The following SLC8A1 variants were observed in gnomAD, a reference collection of about 807,000 sequenced individuals.
The protein encoded by SLC8A1 is solute carrier family 8 member A1.
SLC8A1 carries 18 observed loss-of-function variants against 68.3 expected under a neutral mutation model. The observed-to-expected ratio is 0.26, with a 90% CI of 0.18 to 0.39. The LOEUF (loss-of-function observed/expected upper bound fraction) is 0.39. Among genes scored for constraint, SLC8A1 ranks in the 10% least tolerant of loss-of-function variants. The probability of loss-of-function intolerance (pLI) is 1.00; values close to 1 mark genes in which losing one functional copy is unlikely to be tolerated. For synonymous variants in SLC8A1, 475 were observed against 415.5 expected, an observed-to-expected ratio of 1.14 and a Z score of -1.74; for missense variants, 985 against 1,156.7, an observed-to-expected ratio of 0.85 and a Z score of 2.15.
chr2:40,258,086 T>C (rs2064185786), intron 2 of SLC8A1, among the ~76,000 whole-genome samples: 1 of 152,148 alleles, frequency 6.6e-6, no homozygotes, highest in African/African-American at 2.4e-5. Context: ...GTCAAACATT[T>C]TGTGTTATTA....
intron 2 of SLC8A1, among the ~76,000 whole-genome samples, chr2:40,290,733 A>G (rs570595386): frequency 6.6e-5 from 10 of 152,192 alleles, no homozygotes; most frequent in Non-Finnish European, 1.5e-4. Flanking sequence ...ACCCATTACT[A>G]CAGCTATAAT....
intron 2 of SLC8A1, among the ~76,000 whole-genome samples, chr2:40,271,232 C>T (rs1259981409): frequency 1.3e-5 from 2 of 151,828 alleles, no homozygotes; most frequent in East Asian, 1.9e-4. Flanking sequence ...TCTCACGTCC[C>T]CTCCCACTCC....
intron 2 of SLC8A1, among the ~76,000 whole-genome samples, chr2:40,385,421 A>G (rs1434576532): frequency 7.0e-6 from 1 of 142,200 alleles, no homozygotes; most frequent in Admixed American, 7.2e-5. Flanking sequence ...ATCTCTCTCA[A>G]ATCACCATTT....
At position 40,422,401 on chromosome 2, in the gene SLC8A1, G is replaced by C. The variant is rs4952623; in HGVS notation, c.1808+6072C>G. Reference sequence around the variant, plus strand: ...AATTTTCCACATCTCAGCTTTGTTAGCTGACAGAGAAGCAAAATAACAGCA... The same window carrying C: ...AATTTTCCACATCTCAGCTTTGTTACCTGACAGAGAAGCAAAATAACAGCA... On this transcript the variant is annotated intron_variant, in intron 2 of 7. Transcript: ENST00000406785. Among the ~76,000 whole-genome samples, 1,027 of 152,236 alleles carry C rather than the reference G, an allele frequency of 6.7e-3. 40 individuals carry two copies. The highest frequency in any genetic ancestry group is 0.059 in the Admixed American group (896 of 15,286).
chr2:40,260,811 A>G (rs1434209445), intron 2 of SLC8A1, among the ~76,000 whole-genome samples: 2 of 151,886 alleles, frequency 1.3e-5, no homozygotes, highest in Non-Finnish European at 2.9e-5. Context: ...CTTATTTTAC[A>G]TATCTGAAGA....
chr2:40,124,653 C>T (rs1558443755), intron 7 of SLC8A1, among the ~76,000 whole-genome samples: 1 of 152,186 alleles, frequency 6.6e-6, no homozygotes, highest in Non-Finnish European at 1.5e-5. Context: ...CCCAGCAATT[C>T]TCTACTTCTG....
intron 1 of SLC8A1, among the ~76,000 whole-genome samples, chr2:40,469,597 T>G (rs1204032516): frequency 2.0e-5 from 3 of 149,586 alleles, no homozygotes; most frequent in Non-Finnish European, 4.4e-5. Flanking sequence ...CTTTTTATTT[T>G]TATTTTTTTT....
At chr2:40,172,483 T>C (rs1174934608) in intron 4 of SLC8A1, among the ~76,000 whole-genome samples, 2 of 152,124 alleles carry the variant, frequency 1.3e-5, no homozygotes, top group Admixed American at 6.6e-5. Context: ...GAGGTGATTC[T>C]GTCATCTTGG....
chr2:40,190,140 C>T (rs1260799816), intron 2 of SLC8A1, among the ~76,000 whole-genome samples: 4 of 152,188 alleles, frequency 2.6e-5, no homozygotes, highest in East Asian at 1.9e-4. Flanking sequence ...CTAAATCACT[C>T]GCAAATGCCA....
At chr2:40,235,902 G>C (rs987218709) in intron 2 of SLC8A1, among the ~76,000 whole-genome samples, 2 of 151,852 alleles carry the variant, frequency 1.3e-5, no homozygotes, top group African/African-American at 2.4e-5. Context: ...CCATGTAGTT[G>C]AGGGGTTTTG....
chr2:40,275,207 T>C (rs866614006), intron 2 of SLC8A1, among the ~76,000 whole-genome samples: 1 of 152,210 alleles, frequency 6.6e-6, no homozygotes, highest in African/African-American at 2.4e-5. Flanking sequence ...GACAGATGAC[T>C]GAGTAATCTG....
chr2:40,509,650 A>G (rs971516141), intron 1 of SLC8A1, among the ~76,000 whole-genome samples: 1 of 151,996 alleles, frequency 6.6e-6, no homozygotes, highest in African/African-American at 2.4e-5. Context: ...TTGTCACACC[A>G]TAGACCAGGC....
intron 2 of SLC8A1, among the ~76,000 whole-genome samples, chr2:40,290,492 T>C (rs1447658290): frequency 6.6e-6 from 1 of 151,934 alleles, no homozygotes; most frequent in Non-Finnish European, 1.5e-5. Context: ...GGCAGCAGAG[T>C]CTGGGCCAGA....
intron 2 of SLC8A1, among the ~76,000 whole-genome samples, chr2:40,399,822 T>A (rs1050531289): frequency 6.6e-6 from 1 of 152,098 alleles, no homozygotes; most frequent in Admixed American, 6.5e-5. Context: ...GGACCACCCC[T>A]CATATTGCCT....
chr2:40,496,236 T>C (rs1576668949), intron 1 of SLC8A1, among the ~76,000 whole-genome samples: 5 of 152,140 alleles, frequency 3.3e-5, no homozygotes, highest in Admixed American at 3.3e-4. Flanking sequence ...CTAGATTTAC[T>C]TGGCATGTCT....
At chr2:40,134,509 C>G (rs1457689915) in intron 7 of SLC8A1, among the ~76,000 whole-genome samples, 1 of 152,160 alleles carries the variant, frequency 6.6e-6, no homozygotes, top group Non-Finnish European at 1.5e-5. Context: ...CAGTTCCCAC[C>G]ATAGCCAAAA....
At chr2:40,204,077 G>C (rs538166531) in intron 2 of SLC8A1, among the ~76,000 whole-genome samples, 2 of 152,092 alleles carry the variant, frequency 1.3e-5, no homozygotes, top group Admixed American at 6.6e-5. Flanking sequence ...CATGTAGAAA[G>C]ATCCCTGTGT....
chr2:40,116,779 C>T (rs2035519160), intron 7 of SLC8A1: 1 of 152,166 alleles, frequency 6.6e-6, no homozygotes, highest in Admixed American at 6.5e-5. Context: ...TTTCAAAGCC[C>T]TTTATTTACT....
chr2:40,175,944 C>T (rs745947134), intron 3 of SLC8A1: 15 of 437,498 alleles, frequency 3.4e-5, no homozygotes, highest in South Asian at 2.4e-4. Context: ...TACTTGTGTC[C>T]TTATCTGTGA....
Sources: gnomAD v4.1 joint callset for allele counts (sites outside exome capture counted in the v4.1 genomes callset) on GRCh38, gnomAD v4.1.1 for gene constraint, MANE v1.5 for transcripts, NCBI Gene and HGNC (gene_info 2026-07-23, HGNC 2026-07-21) for gene names.